The following AK5 variants were observed in gnomAD, a reference collection of about 807,000 sequenced individuals.
The protein encoded by AK5 is adenylate kinase 5.
In AK5, 27 loss-of-function variants were observed where a neutral mutation model predicts 69.5. The observed-to-expected ratio is 0.39, with a 90% CI of 0.29 to 0.54. The LOEUF is 0.54. AK5 is among the 20% of genes least tolerant of loss of function. AK5 has a pLI of 0.71. For synonymous variants in AK5, 260 were observed against 244.4 expected, an observed-to-expected ratio of 1.06 and a Z score of -0.60; for missense variants, 531 against 700.4, an observed-to-expected ratio of 0.76 and a Z score of 2.73.
chr1:77,344,753 T>C (rs1303669583), intron 6 of AK5, among the ~76,000 whole-genome samples: 1 of 152,098 alleles, frequency 6.6e-6, no homozygotes. Flanking sequence ...TTTTTTAATT[T>C]ATATTTATTG....
chr1:77,312,854 A>G (rs1006647705), intron 5 of AK5, among the ~76,000 whole-genome samples: 7 of 151,864 alleles, frequency 4.6e-5, no homozygotes, highest in African/African-American at 1.7e-4. Context: ...CCCTGTCCTA[A>G]TTAGGCTTGT....
rs962990629 is a variant in AK5, at chr1:77,461,329, G to A, written c.1060-21988G>A. Among the ~76,000 whole-genome samples the A allele has an allele frequency of 4.6e-5, 7 of 151,168 alleles. No homozygotes were observed. The East Asian group carries it at 6.0e-4, about 13-fold the overall frequency. ...ATTACAGGCGTGAGCCACCGCACCC[G>A]GCCCTGTATGTGGAATTTTTAAAAG... On this transcript the variant is annotated intron_variant, in intron 8 of 13. Coordinates refer to ENST00000354567, the MANE Select transcript of AK5 (RefSeq NM_174858.3).
At chr1:77,553,045 G>C (rs1659896129) in intron 13 of AK5, among the ~76,000 whole-genome samples, 1 of 152,036 alleles carries the variant, frequency 6.6e-6, no homozygotes, top group African/African-American at 2.4e-5. Flanking sequence ...ACCTCTTAAA[G>C]AAAAAGGGGG....
intron 6 of AK5, among the ~76,000 whole-genome samples, chr1:77,358,626 T>G (rs1234405824): frequency 1.3e-5 from 2 of 152,132 alleles, no homozygotes; most frequent in Non-Finnish European, 2.9e-5. Flanking sequence ...AAACTCTCCT[T>G]TTGACACAAG....
chr1:77,332,391 T>C (rs1291360410), intron 5 of AK5, among the ~76,000 whole-genome samples: 3 of 148,466 alleles, frequency 2.0e-5, no homozygotes, highest in African/African-American at 7.4e-5. Flanking sequence ...CCTTAAAAGG[T>C]CTAAATTTTT....
At chr1:77,529,334 G>GTTT (rs935476152) in intron 12 of AK5, among the ~76,000 whole-genome samples, 2 of 138,026 alleles carry the variant, frequency 1.4e-5, no homozygotes, top group African/African-American at 2.7e-5. Flanking sequence ...CGTTTTATAG[G>GTTT]TTTTTTTTTT....
At chr1:77,307,722 T>G (rs781006709) in intron 5 of AK5, among the ~76,000 whole-genome samples, 15 of 152,218 alleles carry the variant, frequency 9.9e-5, no homozygotes, top group Non-Finnish European at 1.3e-4. Context: ...CTCCAATGCT[T>G]CTTCTGTGTT....
At chr1:77,378,470 C>A (rs1176661672) in intron 6 of AK5, among the ~76,000 whole-genome samples, 1 of 152,152 alleles carries the variant, frequency 6.6e-6, no homozygotes, top group Non-Finnish European at 1.5e-5. Context: ...TACAGGCATG[C>A]ACCACCACGC....
At position 77,287,111 on chromosome 1, in the gene AK5, A is replaced by G; in HGVS notation, c.231A>G (p.Arg77=). Residue 77 remains arginine (R), a synonymous_variant, in exon 2 of 14, where the codon AGA becomes AGG. Transcript: ENST00000354567. ...CACTAAATGGAGGACAGTCACGGAG[A>G]TCCTTTCTAAGAAATGGTAATGTAT... The part of the protein sequence containing the change: ...LPPLNGGQSR[R]SFLRNVMPEN... The G allele has an allele frequency of 6.4e-7, 1 of 1,565,208 alleles. No homozygotes were observed. Among genetic ancestry groups the G allele is most frequent in the Non-Finnish European group, 8.7e-7 (1 of 1,155,940 alleles).
At chr1:77,416,272 G>A (rs1281450535) in intron 7 of AK5, among the ~76,000 whole-genome samples, 1 of 152,118 alleles carries the variant, frequency 6.6e-6, no homozygotes, top group African/African-American at 2.4e-5. Context: ...TCTAATCTCT[G>A]TTAATAGTAT....
chr1:77,424,107 G>T (rs1651030081), intron 8 of AK5, among the ~76,000 whole-genome samples: 1 of 152,158 alleles, frequency 6.6e-6, no homozygotes, highest in African/African-American at 2.4e-5. Flanking sequence ...CATTACTAAA[G>T]ATTATTTACT....
At chr1:77,361,644 A>C (rs1646866692) in intron 6 of AK5, among the ~76,000 whole-genome samples, 1 of 152,184 alleles carries the variant, frequency 6.6e-6, no homozygotes, top group Non-Finnish European at 1.5e-5. Context: ...AAAGAGTTTA[A>C]TTAGACTCAC....
intron 8 of AK5, among the ~76,000 whole-genome samples, chr1:77,458,104 A>T (rs200369816): frequency 1.6e-5 from 1 of 62,736 alleles, no homozygotes; most frequent in African/African-American, 4.5e-5. Flanking sequence ...CCCATTTCTT[A>T]AAAAAAAAAA....
intron 8 of AK5, among the ~76,000 whole-genome samples, chr1:77,475,456 A>G (rs1289217746): frequency 7.9e-4 from 3 of 3,808 alleles, no homozygotes; most frequent in African/African-American, 1.9e-3. Flanking sequence ...ATATATATAC[A>G]AATATATATT....
chr1:77,470,855 A>AC (rs1654441635), intron 8 of AK5, among the ~76,000 whole-genome samples: 1 of 2,884 alleles, frequency 3.5e-4, no homozygotes, highest in Non-Finnish European at 9.4e-4. Flanking sequence ...ATATATATAT[A>AC]TATATATATA....
intron 6 of AK5, among the ~76,000 whole-genome samples, chr1:77,379,693 CA>C (rs1647489401): frequency 6.6e-6 from 1 of 152,110 alleles, no homozygotes; most frequent in Non-Finnish European, 1.5e-5. Context: ...ACAAGTTTTC[CA>C]AGTTGAAATT....
In AK5 at chr1:77,536,401, C is replaced by T. The variant is rs182212798; in HGVS notation, c.1620+363C>T. ...CCCCAGAGGTGGAGGCTGTAGTGAG[C>T]TGAGATTGTGCCACTACACTCCAGC... On this transcript the variant is annotated intron_variant, in intron 13 of 13. Coordinates refer to ENST00000354567, the MANE Select transcript of AK5 (RefSeq NM_174858.3). Among the ~76,000 whole-genome samples, 8 of 152,288 alleles carry T rather than the reference C, an allele frequency of 5.3e-5. No homozygotes were observed. In the East Asian group the frequency reaches 1.5e-3, roughly 29 times the overall value.
At chr1:77,522,354 CA>C (rs1473156436) in intron 12 of AK5, among the ~76,000 whole-genome samples, 2 of 152,144 alleles carry the variant, frequency 1.3e-5, no homozygotes, top group Non-Finnish European at 2.9e-5. Context: ...GTCACAGTCC[CA>C]TCATCACTGA....
At chr1:77,441,136 G>A (rs1557595762) in intron 8 of AK5, among the ~76,000 whole-genome samples, 1 of 151,992 alleles carries the variant, frequency 6.6e-6, no homozygotes, top group African/African-American at 2.4e-5. Context: ...TTAGCTGCGG[G>A]ATTTCTGTTT....
Sources: gnomAD v4.1 joint callset for allele counts (sites outside exome capture counted in the v4.1 genomes callset) on GRCh38, gnomAD v4.1.1 for gene constraint, MANE v1.5 for transcripts, NCBI Gene and HGNC (gene_info 2026-07-23, HGNC 2026-07-21) for gene names.